The following GAB2 variants were observed in gnomAD, a reference collection of about 807,000 sequenced individuals.
GAB2 encodes GRB2 associated binding protein 2, also known as GRB2-associated-binding protein 2.
Under a neutral mutation model 65.5 loss-of-function variants are expected in GAB2, and 26 were observed. That is an observed-to-expected ratio of 0.40 (90% confidence interval 0.29 to 0.55). GAB2 has a LOEUF of 0.55. Among genes scored for constraint, GAB2 ranks in the 20% least tolerant of loss-of-function variants. The pLI, the probability that GAB2 is intolerant of heterozygous loss-of-function variation, is 0.53. For missense variants in GAB2, 884 were observed against 875.8 expected, an observed-to-expected ratio of 1.01 and a Z score of -0.12; for synonymous variants, 321 against 329.6, an observed-to-expected ratio of 0.97 and a Z score of 0.28.
intron 1 of GAB2, among the ~76,000 whole-genome samples, chr11:78,365,009 T>TG (rs1489487567): frequency 6.6e-6 from 1 of 152,144 alleles, no homozygotes; most frequent in Non-Finnish European, 1.5e-5. Context: ...AACAGGGTTT[T>TG]GGGGAACAGG....
chr11:78,320,677 A>G (rs1855704945), intron 1 of GAB2, among the ~76,000 whole-genome samples: 1 of 93,424 alleles, frequency 1.1e-5, no homozygotes, highest in Admixed American at 1.1e-4. Flanking sequence ...CAGCCTCCCA[A>G]GTAGCTATGA....
At chr11:78,320,323 A>G (rs1451897919) in intron 1 of GAB2, among the ~76,000 whole-genome samples, 2 of 152,212 alleles carry the variant, frequency 1.3e-5, no homozygotes, top group South Asian at 2.1e-4. Context: ...GGGATGTACC[A>G]TCATGCCCAG....
At chr11:78,247,657 G>A (rs919560409) in intron 3 of GAB2, among the ~76,000 whole-genome samples, 2 of 152,082 alleles carry the variant, frequency 1.3e-5, no homozygotes, top group South Asian at 4.1e-4. Flanking sequence ...CAGATCTCTT[G>A]CAGTTTCTGC....
intron 1 of GAB2, among the ~76,000 whole-genome samples, chr11:78,323,516 T>G (rs1308789142): frequency 6.6e-6 from 1 of 150,746 alleles, no homozygotes; most frequent in Non-Finnish European, 1.5e-5. Flanking sequence ...TCTCCCCAAT[T>G]CAAAAAAAAA....
chr11:78,386,939 T>C (rs983875279), intron 1 of GAB2, among the ~76,000 whole-genome samples: 1 of 152,258 alleles, frequency 6.6e-6, no homozygotes, highest in Non-Finnish European at 1.5e-5. Flanking sequence ...AAGCCTTCTA[T>C]ATATTTATTA....
intron 2 of GAB2, among the ~76,000 whole-genome samples, chr11:78,263,864 C>CTAG (rs2134550532): frequency 6.6e-6 from 1 of 151,226 alleles, no homozygotes; most frequent in African/African-American, 2.4e-5. Flanking sequence ...GACTGAGTGC[C>CTAG]TAGTCACCTG....
chr11:78,310,056 G>A (rs1213872011), intron 1 of GAB2, among the ~76,000 whole-genome samples: 1 of 151,884 alleles, frequency 6.6e-6, no homozygotes, highest in African/African-American at 2.4e-5. Context: ...TTAGAGGGCA[G>A]AGGACAGGTA....
intron 2 of GAB2, among the ~76,000 whole-genome samples, chr11:78,254,404 A>C (rs927362125): frequency 2.0e-5 from 3 of 152,228 alleles, no homozygotes; most frequent in Non-Finnish European, 4.4e-5. Context: ...TAAGAAGATG[A>C]AGTAGGGATT....
chr11:78,254,958 T>G (rs1865556978), intron 2 of GAB2, among the ~76,000 whole-genome samples: 1 of 152,076 alleles, frequency 6.6e-6, no homozygotes, highest in African/African-American at 2.4e-5. Context: ...GTGTCTATAC[T>G]AGGTTTACTA....
At chr11:78,316,688 G>T (rs1591031571) in intron 1 of GAB2, among the ~76,000 whole-genome samples, 3 of 152,270 alleles carry the variant, frequency 2.0e-5, no homozygotes, top group African/African-American at 7.2e-5. Context: ...TGTTGGTGGG[G>T]ATATAAAATA....
At chr11:78,344,629 T>C (rs1565167344) in intron 1 of GAB2, among the ~76,000 whole-genome samples, 1 of 152,180 alleles carries the variant, frequency 6.6e-6, no homozygotes, top group African/African-American at 2.4e-5. Flanking sequence ...ATTCTTAGAA[T>C]CAATCACAAA....
chr11:78,250,286 G>A lies in GAB2; in HGVS notation c.491C>T (p.Ser164Phe), dbSNP rs1223492970. The change falls in exon 3 of 10, where the codon TCC becomes TTC. Residue 164 changes from serine to phenylalanine, a missense_variant. Physicochemically the swap from Ser to Phe is radical, Grantham distance 155. Transcript: ENST00000361507. Reference sequence around the variant, plus strand: ...AAACGTGAACAGAGTTGGCTGGCTGGAGTGTGATGGGGCTGAGGACTTGCG... The same window carrying A: ...AAACGTGAACAGAGTTGGCTGGCTGAAGTGTGATGGGGCTGAGGACTTGCG... ...RERKSSAPSH[S>F]SQPTLFTFEP... 1 of 1,613,744 alleles carries A rather than the reference G, an allele frequency of 6.2e-7. No individual in the cohort carries two copies. The highest frequency in any genetic ancestry group is 1.7e-5 in the Admixed American group (1 of 59,946).
At chr11:78,347,766 C>A (rs11237462) in intron 1 of GAB2, among the ~76,000 whole-genome samples, 24,029 of 152,096 alleles carry the variant, frequency 0.16, 2,546 homozygotes, top group East Asian at 0.41. Flanking sequence ...AACTAAGCTT[C>A]ATCAAAATTC....
chr11:78,372,556 G>C (rs1006101402), intron 1 of GAB2, among the ~76,000 whole-genome samples: 3 of 152,146 alleles, frequency 2.0e-5, no homozygotes, highest in Non-Finnish European at 4.4e-5. Flanking sequence ...GCTACTTGCA[G>C]AAAAACTGCT....
chr11:78,383,693 G>C (rs1856728198), intron 1 of GAB2, among the ~76,000 whole-genome samples: 1 of 152,054 alleles, frequency 6.6e-6, no homozygotes, highest in South Asian at 2.1e-4. Context: ...AGGAGGCAGA[G>C]GTTGCAGTAA....
intron 1 of GAB2, among the ~76,000 whole-genome samples, chr11:78,322,408 T>A (rs948617228): frequency 2.0e-5 from 3 of 151,052 alleles, no homozygotes; most frequent in South Asian, 4.2e-4. Context: ...AAGGAATTTA[T>A]GACTAAGTCC....
chr11:78,281,234 C>T (rs1394187132), intron 1 of GAB2, among the ~76,000 whole-genome samples: 3 of 140,232 alleles, frequency 2.1e-5, no homozygotes, highest in African/African-American at 7.9e-5. Context: ...AGCCACTGTG[C>T]CTGACCTTAA....
At chr11:78,315,352 A>C (rs1417730786) in intron 1 of GAB2, among the ~76,000 whole-genome samples, 2 of 152,162 alleles carry the variant, frequency 1.3e-5, no homozygotes. Flanking sequence ...CCTCAGGAAT[A>C]TTTCACCTTC....
At chr11:78,265,203 C>CATATATAT (rs10530509) in intron 2 of GAB2, among the ~76,000 whole-genome samples, 30,912 of 144,484 alleles carry the variant, frequency 0.21, 4,187 homozygotes, top group Non-Finnish European at 0.31. Context: ...TTCTATACCA[C>CATATATAT]ATATATATAT....
Sources: gnomAD v4.1 joint callset for allele counts (sites outside exome capture counted in the v4.1 genomes callset) on GRCh38, gnomAD v4.1.1 for gene constraint, MANE v1.5 for transcripts, NCBI Gene and HGNC (gene_info 2026-07-23, HGNC 2026-07-21) for gene names.